The following VARS1 variants were observed in gnomAD, a reference collection of about 807,000 sequenced individuals.
VARS1 encodes the protein valyl-tRNA synthetase 1.
In VARS1, 92 loss-of-function variants were observed where a neutral mutation model predicts 161.0. The observed-to-expected ratio is 0.57, with a 90% CI of 0.48 to 0.68. The LOEUF (loss-of-function observed/expected upper bound fraction) is 0.68. VARS1 is among the 30% of genes least tolerant of loss of function. VARS1 has a pLI of 0.00. For missense variants in VARS1, 1,338 were observed against 1,695.9 expected (o/e 0.79, Z 3.71); for synonymous variants, 595 against 682.5 (o/e 0.87, Z 2.00).
rs1174824201 is a variant in VARS1, at chr6:31,781,531, G to A, written c.2494C>T (p.Arg832Trp). 2.3e-5 allele frequency: 37 copies of A among 1,612,864 alleles called. No individual in the cohort carries two copies. Among genetic ancestry groups the A allele is most frequent in the Non-Finnish European group, 2.9e-5 (34 of 1,180,004 alleles). Residue 832 changes from arginine to tryptophan, a missense_variant, in exon 21 of 30, where the codon CGG becomes TGG. Arg to Trp is a moderately radical substitution (Grantham distance 101). Coordinates refer to ENST00000375663, the MANE Select transcript of VARS1 (RefSeq NM_006295.3). The surrounding 1 kb of genome is among the most constrained non-coding windows in gnomAD (Gnocchi z 6.8). ...AGCTTCAGGCCCAGCATGACCATCC[G>A]GGCCACCCAGAAGAAGAGGATGTCA... ...GHDILFFWVA[R>W]MVMLGLKLTG...
At position 31,782,832 on chromosome 6, in the gene VARS1, G is replaced by A; in HGVS notation, c.1776C>T (p.Ile592=). The change falls in exon 15 of 30, where the codon ATC becomes ATT. Residue 592 remains isoleucine (I), a synonymous_variant. Coordinates refer to ENST00000375663, the MANE Select transcript of VARS1 (RefSeq NM_006295.3). This position sits in a 1 kb window ranked among gnomAD's most constrained non-coding sequence, Gnocchi z 8.3. The part of the protein sequence containing the change: ...DMDFGTGAVK[I]TPAHDQNDYE... ...AGTCATTTTGGTCATGTGCGGGGGTGATCTTCACAGCACCTGGGTGTACAT... is the reference window on the plus strand; with the variant it reads ...AGTCATTTTGGTCATGTGCGGGGGTAATCTTCACAGCACCTGGGTGTACAT... 6.2e-7 allele frequency: 1 copy of A among 1,612,058 alleles called. No homozygotes were observed. The highest frequency in any genetic ancestry group is 8.5e-7 in the Non-Finnish European group (1 of 1,179,548).
rs936981700 is a variant in VARS1 at position 31,780,624 on chromosome 6, C to G, written c.2798-56G>C. On this transcript the variant is annotated intron_variant, in intron 24 of 29. Coordinates refer to ENST00000375663, the MANE Select transcript of VARS1 (RefSeq NM_006295.3). This position sits in a 1 kb window ranked among gnomAD's most constrained non-coding sequence, Gnocchi z 5.1. ...CACCCTCTTCCCAGCCCATGCCCAC[C>G]AGAGGCTCAGGGTGGAGAAGAGGGA... The G allele has an allele frequency of 7.1e-5, 115 of 1,610,936 alleles. No homozygotes were observed. The highest frequency in any genetic ancestry group is 8.8e-5 in the Non-Finnish European group (104 of 1,177,732).
At position 31,782,259 on chromosome 6, in the gene VARS1, C is replaced by T. The variant is rs375428967; in HGVS notation, c.2150+26G>A. On this transcript the variant is annotated intron_variant, in intron 17 of 29. Transcript: ENST00000375663. This position sits in a 1 kb window ranked among gnomAD's most constrained non-coding sequence, Gnocchi z 8.3. ...AGCCCTGCTCAGCCCTCGGCAAGCC[C>T]CTCCCACACTGAGGACCCTACACAC... is the stretch of plus-strand genomic sequence containing the variant. The T allele has an allele frequency of 4.6e-5, 74 of 1,610,384 alleles. No homozygotes were observed. In the African/African-American group the frequency reaches 6.8e-4, roughly 15 times the overall value.
In VARS1 at chr6:31,785,184, T is replaced by C; in HGVS notation, c.1347+62A>G. 6.3e-7 allele frequency: 1 copy of C among 1,599,984 alleles called. No homozygotes were observed. The highest frequency in any genetic ancestry group is 8.6e-7 in the Non-Finnish European group (1 of 1,168,580). ...GCCACAACACCTCTGCTTTCTCCTG[T>C]GGGGGTCCCACCCTGGGGAGACTCC... On this transcript the variant is annotated intron_variant, in intron 10 of 29. Transcript: ENST00000375663. The surrounding 1 kb of genome is among the most constrained non-coding windows in gnomAD (Gnocchi z 6.1).
At chr6:31,783,659 T>C (rs1813304205) in intron 13 of VARS1, among the ~76,000 whole-genome samples, 1 of 108,420 alleles carries the variant, frequency 9.2e-6, no homozygotes, top group Non-Finnish European at 1.7e-5. Context: ...CTTGTCTCTA[T>C]TTAACTTTTT....
Position 31,795,081 on chromosome 6 carries a change from G to A in VARS1, c.137C>T (p.Pro46Leu), listed in dbSNP as rs1413059229. 1 of 1,504,226 alleles carries A rather than the reference G, an allele frequency of 6.6e-7. No individual in the cohort carries two copies. 93.2% of individuals were successfully genotyped at this position (1,504,226 alleles called of 1,614,324 possible). Reference sequence around the variant, plus strand: ...TGGGGGAAAGGGAGTCCTGCTAGTCGGGGGTGGCTGGAGACAGATGCGGGG... The same window carrying A: ...TGGGGGAAAGGGAGTCCTGCTAGTCAGGGGTGGCTGGAGACAGATGCGGGG... ...AHPRICLQPP[P>L]TSRTPFPPPR... is the part of the protein sequence containing the mutation. Residue 46 changes from proline (P) to leucine (L), a missense_variant, in exon 2 of 30, where the codon CCG (proline) becomes CTG (leucine). Physicochemically the swap from Pro to Leu is moderately conservative, Grantham distance 98. Around this residue, in one of 3 missense-constraint regions of VARS1, gnomAD observed 902 missense variants for 1,090.3 expected, o/e 0.83. Transcript: ENST00000375663. The surrounding 1 kb of genome is among the most constrained non-coding windows in gnomAD (Gnocchi z 6.9).
In VARS1 at chr6:31,781,978, A is replaced by AG. The variant is rs377367472; in HGVS notation, c.2242-27dup. ...CTGCCACAGGTGCAGTGATTACCCA[A>AG]GGGGGTGTGTCTGCTTCTGGCTCAC... is the stretch of plus-strand genomic sequence containing the variant. On this transcript the variant is annotated intron_variant, in intron 18 of 29. Coordinates refer to ENST00000375663, the MANE Select transcript of VARS1 (RefSeq NM_006295.3). The surrounding 1 kb of genome is among the most constrained non-coding windows in gnomAD (Gnocchi z 6.8). 2,960 of 1,613,094 alleles carry AG rather than the reference A, an allele frequency of 1.8e-3. 2 individuals carry two copies. The highest frequency in any genetic ancestry group is 4.1e-3 in the African/African-American group (308 of 75,048).
chr6:31,782,118 G>C lies in VARS1; in HGVS notation c.2210C>G (p.Thr737Ser), dbSNP rs766643882. The C allele has an allele frequency of 1.2e-6, 2 of 1,613,924 alleles. No homozygotes were observed. The highest frequency in any genetic ancestry group is 2.2e-5 in the East Asian group (1 of 44,882). ...WGHRIPAYFV[T>S]VSDPAVPPGE... Reference sequence around the variant, plus strand: ...AGGGGGCACCGCTGGGTCACTGACAGTGACAAAGTAGGCTGGGATGCGATG... The same window carrying C: ...AGGGGGCACCGCTGGGTCACTGACACTGACAAAGTAGGCTGGGATGCGATG... Residue 737 changes from threonine (T) to serine (S), a missense_variant, in exon 18 of 30, where the codon ACT becomes AGT. Physicochemically the swap from Thr to Ser is moderately conservative, Grantham distance 58. This residue lies in a region of VARS1 where 902 missense variants were observed against 1,090.3 expected (regional missense o/e 0.83). Transcript: ENST00000375663. The surrounding 1 kb of genome is among the most constrained non-coding windows in gnomAD (Gnocchi z 8.3).
rs1416316175 is a variant in VARS1, at chr6:31,779,832, C to T, written c.3082-18G>A. The T allele has an allele frequency of 6.2e-7, 1 of 1,612,428 alleles. No homozygotes were observed. Among genetic ancestry groups the T allele is most frequent in the Non-Finnish European group, 8.5e-7 (1 of 1,179,660 alleles). On this transcript the variant is annotated intron_variant, in intron 26 of 29. Transcript: ENST00000375663. This position sits in a 1 kb window ranked among gnomAD's most constrained non-coding sequence, Gnocchi z 9.1. ...AGGCACTCCTAGGGGACGAGAGGTA[C>T]AGGGCTCACGGCTGGAGGTCTAGCC...
At position 31,781,917 on chromosome 6, in the gene VARS1, A is replaced by G; in HGVS notation, c.2277T>C (p.Asn759=). 1.2e-6 allele frequency: 2 copies of G among 1,612,912 alleles called. No individual in the cohort carries two copies. The highest frequency in any genetic ancestry group is 8.5e-7 in the Non-Finnish European group (1 of 1,180,006). ...CTGCCTTCTCCCGGGCCTCCGCCTC[A>G]TTGCGTCCACTCACCCAGTACCGCC... ...PDGRYWVSGR[N]EAEAREKAAK... The change falls in exon 19 of 30, where the codon AAT becomes AAC. Residue 759 remains asparagine, a synonymous_variant. Coordinates refer to ENST00000375663, the MANE Select transcript of VARS1 (RefSeq NM_006295.3). The surrounding 1 kb of genome is among the most constrained non-coding windows in gnomAD (Gnocchi z 6.8).
At position 31,778,998 on chromosome 6, in the gene VARS1, G is replaced by A. The variant is rs1472868752; in HGVS notation, c.3695C>T (p.Pro1232Leu). 7.4e-6 allele frequency: 12 copies of A among 1,612,902 alleles called. No homozygotes were observed. Among genetic ancestry groups the A allele is most frequent in the African/African-American group, 1.3e-5 (1 of 74,926 alleles). The change falls in exon 29 of 30, where the codon CCG (proline) becomes CTG (leucine). Residue 1232 changes from proline (P) to leucine (L), a missense_variant. Physicochemically the swap from Pro to Leu is moderately conservative, Grantham distance 98. This residue lies in a region of VARS1 where 433 missense variants were observed against 586.2 expected (regional missense o/e 0.74). Transcript: ENST00000375663. The surrounding 1 kb of genome is among the most constrained non-coding windows in gnomAD (Gnocchi z 5.1). ...TTCATCTGCCTCCTGGACTTCGAGCGGCACCTTGACAGGATAGCCCGAGGC... is the reference window on the plus strand; with the variant it reads ...TTCATCTGCCTCCTGGACTTCGAGCAGCACCTTGACAGGATAGCCCGAGGC... ...RAASGYPVKV[P>L]LEVQEADEAK...
At position 31,783,154 on chromosome 6, in the gene VARS1, G is replaced by A. The variant is rs751818662; in HGVS notation, c.1704C>T (p.Phe568=). Residue 568 remains phenylalanine, a synonymous_variant, in exon 14 of 30, where the codon TTC becomes TTT. Transcript: ENST00000375663. ...HLKGKNVIHP[F]LSRSLPIVFD... ...AGACAATGGGAAGGCTCCGAGACAGGAATGGGTGGATCACGTTCTTCCCCT... is the reference window on the plus strand; with the variant it reads ...AGACAATGGGAAGGCTCCGAGACAGAAATGGGTGGATCACGTTCTTCCCCT... The A allele has an allele frequency of 1.2e-6, 2 of 1,612,842 alleles. No individual in the cohort carries two copies. The highest frequency in any genetic ancestry group is 1.7e-6 in the Non-Finnish European group (2 of 1,179,960).
intron 8 of VARS1, among the ~76,000 whole-genome samples, chr6:31,787,196 A>G (rs1813564653): frequency 6.6e-6 from 1 of 152,160 alleles, no homozygotes; most frequent in Admixed American, 6.6e-5. Flanking sequence ...TGGCCAACAC[A>G]GTGAGAGAGA....
chr6:31,785,242 G>A lies in VARS1; in HGVS notation c.1347+4C>T, dbSNP rs1176835783. 8 of 1,612,904 alleles carry A rather than the reference G, an allele frequency of 5.0e-6. No homozygotes were observed. The highest frequency in any genetic ancestry group is 1.7e-5 in the Admixed American group (1 of 60,000). On this transcript the variant is annotated splice_donor_region_variant and intron_variant, in intron 10 of 29. Transcript: ENST00000375663. The surrounding 1 kb of genome is among the most constrained non-coding windows in gnomAD (Gnocchi z 6.1). ...GCCCCAGCTTTGACACTCCTCCCACGCACAGGGTCCATGGTGAAACAGGCT... is the reference window on the plus strand; with the variant it reads ...GCCCCAGCTTTGACACTCCTCCCACACACAGGGTCCATGGTGAAACAGGCT...
chr6:31,782,002 A>G lies in VARS1; in HGVS notation c.2242-50T>C. The G allele has an allele frequency of 6.2e-7, 1 of 1,612,426 alleles. No homozygotes were observed. Among genetic ancestry groups the G allele is most frequent in the South Asian group, 1.1e-5 (1 of 91,038 alleles). ...AAGGGGGTGTGTCTGCTTCTGGCTC[A>G]CCCTGCCCCTCCCCCCACCAAGGAC... On this transcript the variant is annotated intron_variant, in intron 18 of 29. Coordinates refer to ENST00000375663, the MANE Select transcript of VARS1 (RefSeq NM_006295.3). This position sits in a 1 kb window ranked among gnomAD's most constrained non-coding sequence, Gnocchi z 8.3.
Position 31,791,489 on chromosome 6 carries a change from C to T in VARS1, c.1100+121G>A. Reference sequence around the variant, plus strand: ...ATTGGAATGACAGAGAGAAGTGTAGCACCACTGGGGGCAGAAGTGAGCACC... The same window carrying T: ...ATTGGAATGACAGAGAGAAGTGTAGTACCACTGGGGGCAGAAGTGAGCACC... On this transcript the variant is annotated intron_variant, in intron 8 of 29. Transcript: ENST00000375663. The surrounding 1 kb of genome is among the most constrained non-coding windows in gnomAD (Gnocchi z 5.0). 1 of 1,369,732 alleles carries T rather than the reference C, an allele frequency of 7.3e-7. No homozygotes were observed. Among genetic ancestry groups the T allele is most frequent in the South Asian group, 1.5e-5 (1 of 66,764 alleles). 84.8% of individuals were successfully genotyped at this position (1,369,732 alleles called of 1,614,324 possible).
rs768816126 is a variant in VARS1 at position 31,782,493 on chromosome 6, C to T, written c.1991+37G>A. 6.2e-7 allele frequency: 1 copy of T among 1,612,704 alleles called. No individual in the cohort carries two copies. The highest frequency in any genetic ancestry group is 1.1e-5 in the South Asian group (1 of 91,022). ...GCCAGGCGGTAAAACCCTGAGGAGCCCTCCATCTTCCTCCCGTCCCAGGCC... is the reference window on the plus strand; with the variant it reads ...GCCAGGCGGTAAAACCCTGAGGAGCTCTCCATCTTCCTCCCGTCCCAGGCC... On this transcript the variant is annotated intron_variant, in intron 16 of 29. Coordinates refer to ENST00000375663, the MANE Select transcript of VARS1 (RefSeq NM_006295.3). The surrounding 1 kb of genome is among the most constrained non-coding windows in gnomAD (Gnocchi z 8.3).
rs767535974 is a variant in VARS1 at position 31,780,162 on chromosome 6, G to A, written c.2926-9C>T. 5 of 1,613,080 alleles carry A rather than the reference G, an allele frequency of 3.1e-6. No individual in the cohort carries two copies. ...CTCTCATGGCCTCCGGGCTTGGGGA[G>A]AGAGGGTGTATCAGCCGGCGGGCCA... On this transcript the variant is annotated splice_polypyrimidine_tract_variant and intron_variant, in intron 25 of 29. Coordinates refer to ENST00000375663, the MANE Select transcript of VARS1 (RefSeq NM_006295.3). This position sits in a 1 kb window ranked among gnomAD's most constrained non-coding sequence, Gnocchi z 5.1.
chr6:31,788,699 C>T (rs1444194832), intron 8 of VARS1, among the ~76,000 whole-genome samples: 2 of 151,776 alleles, frequency 1.3e-5, no homozygotes, highest in Non-Finnish European at 2.9e-5. Context: ...GTCCCAGCTA[C>T]TCAGGAGGCT....
Sources: gnomAD v4.1 joint callset for allele counts (sites outside exome capture counted in the v4.1 genomes callset) on GRCh38, gnomAD v4.1.1 for gene constraint, gnomAD v4.1.1 regional missense constraint, Gnocchi (gnomAD v3.1) non-coding constraint, MANE v1.5 for transcripts, NCBI Gene and HGNC (gene_info 2026-07-23, HGNC 2026-07-21) for gene names.